The following KIF1A variants were observed in gnomAD, a reference collection of about 807,000 sequenced individuals.
KIF1A encodes kinesin family member 1A.
In KIF1A, 46 loss-of-function variants were observed where a neutral mutation model predicts 227.3. The ratio of observed to expected loss-of-function variants is 0.20; its 90% CI spans 0.16 to 0.26. The LOEUF is 0.26. Among genes scored for constraint, KIF1A ranks in the 10% least tolerant of loss-of-function variants. The probability of loss-of-function intolerance (pLI) is 1.00; values close to 1 mark genes in which losing one functional copy is unlikely to be tolerated. For missense variants in KIF1A, 1,683 were observed against 2,485.9 expected (o/e 0.68, Z 6.87); for synonymous variants, 1,022 against 1,012.8 (o/e 1.01, Z -0.17).
chr2:240,731,875 G>C (rs889843341), intron 38 of KIF1A, among the ~76,000 whole-genome samples: 6 of 139,474 alleles, frequency 4.3e-5, no homozygotes, highest in African/African-American at 1.6e-4. Context: ...GGGATTGGGG[G>C]GTAAGGGATG....
chr2:240,735,979 A>G (rs1285099609), intron 38 of KIF1A, among the ~76,000 whole-genome samples: 1 of 97,156 alleles, frequency 1.0e-5, no homozygotes, highest in African/African-American at 4.1e-5. Context: ...CCCAACCCCC[A>G]CCCCCCACTG....
intron 9 of KIF1A, 83 bp downstream of exon 9, chr2:240,782,961 C>T (rs1446151719): frequency 1.4e-5 from 16 of 1,170,126 alleles, no homozygotes; most frequent in Non-Finnish European, 1.8e-5. Flanking sequence ...ACACAGGGCC[C>T]GGAAACGAGG....
chr2:240,789,377 A>C lies in KIF1A; in HGVS notation c.107-65T>G. On this transcript the variant is annotated intron_variant, in intron 2 of 48. Coordinates refer to ENST00000498729, the MANE Select transcript of KIF1A (RefSeq NM_001244008.2). The surrounding 1 kb of genome is among the most constrained non-coding windows in gnomAD (Gnocchi z 4.8). Reference sequence around the variant, plus strand: ...GGGCCCCTGACTAGCTGGCATCTACACTCCAAGGTGGGGAGATGGTCTTAA... The same window carrying C: ...GGGCCCCTGACTAGCTGGCATCTACCCTCCAAGGTGGGGAGATGGTCTTAA... 6 of 1,338,926 alleles carry C rather than the reference A, an allele frequency of 4.5e-6. No individual in the cohort carries two copies. The Admixed American group carries it at 5.1e-5, about 11-fold the overall frequency. 82.9% of individuals were successfully genotyped at this position (1,338,926 alleles called of 1,614,324 possible). A position where few individuals can be genotyped will look rare whatever the true frequency, so the allele number is the denominator to read the frequency against.
chr2:240,745,513 T>G lies in KIF1A; in HGVS notation c.3379A>C (p.Ile1127Leu), dbSNP rs2125789013. ...GAGAAGGCCTCGTCGTGGCGGTGGA[T>G]GAAGCTGCAAAGCAGAGGAGATGCT... ...YADIFCQFNF[I>L]HRHDEAFSTE... The change falls in exon 32 of 49, where the codon ATC becomes CTC. Residue 1127 changes from isoleucine (I) to leucine (L), a missense_variant. Around this residue, in one of 12 missense-constraint regions of KIF1A, gnomAD observed 759 missense variants for 1,020.2 expected, o/e 0.74. Coordinates refer to ENST00000498729, the MANE Select transcript of KIF1A (RefSeq NM_001244008.2). 6.2e-7 allele frequency: 1 copy of G among 1,610,566 alleles called. No individual in the cohort carries two copies.
upstream of KIF1A, among the ~76,000 whole-genome samples, chr2:240,820,460 A>T (rs1252610284): frequency 2.7e-5 from 4 of 149,672 alleles, no homozygotes; most frequent in African/African-American, 9.9e-5. This position sits in a 1 kb window ranked among gnomAD's most constrained non-coding sequence, Gnocchi z 6.2. Flanking sequence ...GGGGACCGAC[A>T]CCCGGCTCGG....
At chr2:240,805,660 C>T (rs1459511551) in intron 1 of KIF1A, among the ~76,000 whole-genome samples, 2 of 127,636 alleles carry the variant, frequency 1.6e-5, no homozygotes, top group African/African-American at 6.8e-5. Context: ...ATGTGCCTCT[C>T]GCAGAAAATT....
chr2:240,804,083 C>T (rs765787580), intron 1 of KIF1A, among the ~76,000 whole-genome samples: 51 of 152,178 alleles, frequency 3.4e-4, no homozygotes, highest in Non-Finnish European at 5.1e-4. Flanking sequence ...ATGGCCAAGA[C>T]GGTGAAACCC....
chr2:240,745,903 G>A lies in KIF1A; in HGVS notation c.3209C>T (p.Pro1070Leu), dbSNP rs1054049017. Residue 1070 changes from proline to leucine, a missense_variant, in exon 31 of 49, where the codon CCC becomes CTC. Physicochemically the swap from Pro to Leu is moderately conservative, Grantham distance 98. Coordinates refer to ENST00000498729, the MANE Select transcript of KIF1A (RefSeq NM_001244008.2). ...GCTGTCTAGGAGGAGGCCTTCTGGG[G>A]GCACTGCTGCTGGGAGTCAAGGAGA... The part of the protein sequence containing the change: ...EVNNNTCSAV[P>L]PEGLLLDSSE... 4 of 1,602,636 alleles carry A rather than the reference G, an allele frequency of 2.5e-6. No homozygotes were observed. The African/African-American group carries it at 5.3e-5, about 21-fold the overall frequency.
chr2:240,781,452 C>CT (rs2053969492), intron 10 of KIF1A, among the ~76,000 whole-genome samples: 1 of 64,196 alleles, frequency 1.6e-5, no homozygotes, highest in Non-Finnish European at 3.1e-5. Context: ...CACACACACA[C>CT]ACACACAGCT....
intron 2 of KIF1A, 90 bp downstream of exon 2, chr2:240,797,557 A>G (rs2056540610): frequency 2.2e-6 from 2 of 890,332 alleles, no homozygotes; most frequent in African/African-American, 3.3e-5. Context: ...GGCCAGGGCC[A>G]GGTTGACTGC....
In KIF1A at chr2:240,739,848, G is replaced by A. The variant is rs1021087450; in HGVS notation, c.3901+210C>T. On this transcript the variant is annotated intron_variant, in intron 37 of 48. Coordinates refer to ENST00000498729, the MANE Select transcript of KIF1A (RefSeq NM_001244008.2). This position sits in a 1 kb window ranked among gnomAD's most constrained non-coding sequence, Gnocchi z 5.6. ...GGCAGCCCCAGAACTCCAATACACT[G>A]ATTAAACAGAAATTTGCAGATCGTC... 6.6e-6 allele frequency among the ~76,000 whole-genome samples: 1 copy of A among 152,162 alleles called. No homozygotes were observed. The highest frequency in any genetic ancestry group is 2.4e-5 in the African/African-American group (1 of 41,424).
intron 11 of KIF1A, 119 bp from the exon 12 acceptor site, chr2:240,774,380 G>A: frequency 2.2e-6 from 1 of 457,610 alleles, no homozygotes. Flanking sequence ...GGTAAACTGA[G>A]TCACAGGCTT....
intron 8 of KIF1A, 85 bp downstream of exon 8, chr2:240,783,654 G>A (rs374171313): frequency 1.3e-5 from 14 of 1,083,380 alleles, no homozygotes; most frequent in African/African-American, 4.7e-5. Flanking sequence ...CCAGGCCCCC[G>A]GGACCCCAAC....
intron 15 of KIF1A, among the ~76,000 whole-genome samples, chr2:240,770,644 C>T (rs1160092908): frequency 1.3e-5 from 2 of 152,232 alleles, no homozygotes; most frequent in African/African-American, 4.8e-5. Context: ...TGGAGCTTCC[C>T]TTGTCCAGGC....
At chr2:240,728,531 G>C (rs1386422918) in intron 38 of KIF1A, 1 of 578,342 alleles carries the variant, frequency 1.7e-6, no homozygotes, top group East Asian at 6.8e-5. Context: ...GTGCACGCCG[G>C]ATCTCACGGC....
intron 1 of KIF1A, among the ~76,000 whole-genome samples, chr2:240,807,114 G>GTGTGTATA (rs2057479842): frequency 7.2e-6 from 1 of 139,126 alleles, no homozygotes; most frequent in African/African-American, 2.7e-5. Flanking sequence ...GTGTGTGTGT[G>GTGTGTATA]TGTGTGTGTG....
intron 35 of KIF1A, 150 bp downstream of exon 35, chr2:240,741,119 G>A (rs2047902402): frequency 3.4e-6 from 2 of 595,712 alleles, no homozygotes; most frequent in Admixed American, 2.7e-5. Context: ...AGACCTAGAT[G>A]AGGCCGGGCC....
intron 27 of KIF1A, among the ~76,000 whole-genome samples, chr2:240,753,335 G>A (rs1222053451): frequency 6.6e-6 from 1 of 152,244 alleles, no homozygotes; most frequent in African/African-American, 2.4e-5. Context: ...TTGTGAGGCT[G>A]TAGCAGGCAG....
intron 14 of KIF1A, among the ~76,000 whole-genome samples, chr2:240,772,010 T>G (rs896837068): frequency 1.3e-5 from 2 of 152,166 alleles, no homozygotes; most frequent in African/African-American, 4.8e-5. Context: ...CTGAGCCCCA[T>G]GGAGCCAGAC....
Sources: gnomAD v4.1 joint callset for allele counts (sites outside exome capture counted in the v4.1 genomes callset) on GRCh38, gnomAD v4.1.1 for gene constraint, gnomAD v4.1.1 regional missense constraint, Gnocchi (gnomAD v3.1) non-coding constraint, MANE v1.5 for transcripts, NCBI Gene and HGNC (gene_info 2026-07-23, HGNC 2026-07-21) for gene names.